IQGAP2: variants seen among roughly 807,000 people sequenced by gnomAD.
The protein encoded by IQGAP2 is ras GTPase-activating-like protein IQGAP2.
IQGAP2 carries 173 observed loss-of-function variants against 201.3 expected under a neutral mutation model. The ratio of observed to expected loss-of-function variants is 0.86; its 90% CI spans 0.76 to 0.98. IQGAP2 has a LOEUF of 0.98. IQGAP2 is among the 50% of genes least tolerant of loss of function. IQGAP2 has a pLI of 0.00. For synonymous variants in IQGAP2, 675 were observed against 673.9 expected (o/e 1.00, Z -0.03); for missense variants, 1,687 against 1,864.8 (o/e 0.90, Z 1.76).
chr5:76,512,098 T>A (rs1426347321), intron 2 of IQGAP2, among the ~76,000 whole-genome samples: 1 of 152,216 alleles, frequency 6.6e-6, no homozygotes. Context: ...CTAATTCTTA[T>A]TCTCATATTG....
intron 3 of IQGAP2, among the ~76,000 whole-genome samples, chr5:76,569,017 C>T (rs891584100): frequency 1.3e-5 from 2 of 152,184 alleles, no homozygotes; most frequent in African/African-American, 4.8e-5. Context: ...GAGTTATAAA[C>T]ACTCAAACAG....
At chr5:76,638,410 G>C (rs115541587) in intron 16 of IQGAP2, among the ~76,000 whole-genome samples, 16 of 152,242 alleles carry the variant, frequency 1.1e-4, no homozygotes, top group African/African-American at 3.6e-4. Context: ...AAAAGTCTGC[G>C]TTAGAATCTC....
chr5:76,685,978 G>C (rs1379946013), intron 30 of IQGAP2, among the ~76,000 whole-genome samples: 1 of 152,184 alleles, frequency 6.6e-6, no homozygotes, highest in Non-Finnish European at 1.5e-5. Context: ...TGCACTCTAT[G>C]TCTTTGAACT....
At chr5:76,675,285 T>G (rs1039292834) in intron 27 of IQGAP2, among the ~76,000 whole-genome samples, 3 of 152,190 alleles carry the variant, frequency 2.0e-5, no homozygotes, top group Non-Finnish European at 2.9e-5. Context: ...AAGGCCAATT[T>G]CAAACTTGAG....
intron 12 of IQGAP2, chr5:76,606,529 A>G: frequency 3.4e-6 from 1 of 294,140 alleles, no homozygotes; most frequent in Non-Finnish European, 6.2e-6. Context: ...ATAATAAAAT[A>G]CACAAGTAAA....
intron 2 of IQGAP2, among the ~76,000 whole-genome samples, chr5:76,499,481 G>A (rs546523876): frequency 3.6e-4 from 55 of 152,266 alleles, no homozygotes; most frequent in African/African-American, 1.3e-3. Context: ...TCCCTACTTG[G>A]GGCCTGAGAG....
intron 10 of IQGAP2, 133 bp downstream of exon 10, chr5:76,597,735 C>A: frequency 1.2e-6 from 1 of 817,100 alleles, no homozygotes; most frequent in Non-Finnish European, 1.9e-6. Context: ...CACTGGCCCA[C>A]CTGTACCAAT....
chr5:76,440,805 G>A (rs1027628293), intron 1 of IQGAP2, among the ~76,000 whole-genome samples: 12 of 152,062 alleles, frequency 7.9e-5, no homozygotes, highest in Admixed American at 1.3e-4. Context: ...AGGCTGAGGC[G>A]GACGGATCAT....
intron 2 of IQGAP2, among the ~76,000 whole-genome samples, chr5:76,523,930 A>G (rs1290568051): frequency 6.6e-6 from 1 of 152,152 alleles, no homozygotes; most frequent in African/African-American, 2.4e-5. Context: ...ATTTTGAGGC[A>G]GACAAGATTA....
At chr5:76,608,967 G>C in intron 12 of IQGAP2, 1 of 871,954 alleles carries the variant, frequency 1.1e-6, no homozygotes, top group South Asian at 1.7e-5. Context: ...CGTGGGCTGA[G>C]TGAAGCTCAG....
intron 5 of IQGAP2, among the ~76,000 whole-genome samples, chr5:76,583,933 C>T (rs1040919870): frequency 6.6e-6 from 1 of 151,564 alleles, no homozygotes; most frequent in Admixed American, 6.6e-5. Context: ...AGTGCAGTGG[C>T]ACAATCGTGG....
intron 8 of IQGAP2, among the ~76,000 whole-genome samples, chr5:76,592,552 GT>G (rs1224462637): frequency 1.3e-5 from 2 of 148,500 alleles, no homozygotes; most frequent in Non-Finnish European, 1.5e-5. Context: ...CTATTCAACT[GT>G]TTTTGATCTA....
chr5:76,530,631 C>T (rs1759240158), intron 2 of IQGAP2, among the ~76,000 whole-genome samples: 2 of 73,290 alleles, frequency 2.7e-5, no homozygotes, highest in African/African-American at 9.5e-5. Flanking sequence ...CATGCACACA[C>T]AGGAGGGCTC....
chr5:76,484,002 C>G (rs560744278), intron 2 of IQGAP2, among the ~76,000 whole-genome samples: 14 of 151,700 alleles, frequency 9.2e-5, no homozygotes, highest in African/African-American at 1.2e-4. Context: ...AATAGAGAAG[C>G]CTTCCTGACT....
chr5:76,419,161 G>A (rs1486742831), intron 1 of IQGAP2, among the ~76,000 whole-genome samples: 1 of 151,820 alleles, frequency 6.6e-6, no homozygotes. Flanking sequence ...TTTATTTGAC[G>A]GGGTCTGGCT....
At chr5:76,511,705 G>T (rs1277744033) in intron 2 of IQGAP2, among the ~76,000 whole-genome samples, 1 of 149,650 alleles carries the variant, frequency 6.7e-6, no homozygotes, top group African/African-American at 2.5e-5. Context: ...TTTTGAGACG[G>T]AGTCTCGCTC....
intron 17 of IQGAP2, 114 bp from the exon 18 acceptor site, chr5:76,652,636 G>T: frequency 1.3e-6 from 1 of 772,698 alleles, no homozygotes. Flanking sequence ...TGAAGGGAGG[G>T]TGCCTGACAG....
Position 76,668,698 on chromosome 5 carries a change from G to A in IQGAP2, c.2697G>A (p.Leu899=). The A allele has an allele frequency of 6.2e-7, 1 of 1,608,064 alleles. No individual in the cohort carries two copies. Among genetic ancestry groups the A allele is most frequent in the Admixed American group, 1.7e-5 (1 of 59,200 alleles). ...CCTTCTAGACCAACCCTTTATACTT[G>A]GCTAAGCTGATTTTCCAGATGCCAC... is the stretch of plus-strand genomic sequence containing the variant. ...FYLLQTNPLY[L]AKLIFQMPQN... The change falls in exon 23 of 36, where the codon TTG becomes TTA. Residue 899 remains leucine (L), a synonymous_variant. Transcript: ENST00000274364.
At chr5:76,456,709 A>G (rs1438339594) in intron 1 of IQGAP2, among the ~76,000 whole-genome samples, 3 of 152,216 alleles carry the variant, frequency 2.0e-5, no homozygotes, top group Admixed American at 1.3e-4. Context: ...TCAATGAACA[A>G]TTGAAATGAA....
Sources: allele counts gnomAD v4.1 joint callset (sites outside exome capture counted in the v4.1 genomes callset), GRCh38; gene constraint gnomAD v4.1.1; transcripts MANE v1.5; gene names NCBI Gene and HGNC (gene_info 2026-07-23, HGNC 2026-07-21).